Variants in ULK4 observed in about 807,000 individuals in gnomAD.
The protein encoded by ULK4 is inactive serine/threonine-protein kinase ULK4.
A neutral mutation model predicts 160.6 loss-of-function variants in ULK4; 133 were observed. The ratio of observed to expected loss-of-function variants is 0.83; its 90% CI spans 0.72 to 0.96. The LOEUF (loss-of-function observed/expected upper bound fraction) is 0.96. ULK4 is among the 40% of genes least tolerant of loss of function. The pLI is 0.00. For missense variants in ULK4, 1,580 were observed against 1,499.5 expected (o/e 1.05, Z -0.89); for synonymous variants, 534 against 539.8 (o/e 0.99, Z 0.15).
At chr3:41,899,159 G>A (rs1461337223) in intron 13 of ULK4, 5 of 149,768 alleles carry the variant, frequency 3.3e-5, no homozygotes, top group African/African-American at 1.2e-4. Flanking sequence ...GAATTGGAAA[G>A]TGCACAATTA....
In ULK4 at chr3:41,663,717, T is replaced by C; in HGVS notation, c.2979-18A>G. ...GCTCATACCTGAAATGGTAAAGACA[T>C]TTAAAAAATACTCAGTAGGAAAAAT... On this transcript the variant is annotated intron_variant, in intron 29 of 36. Transcript: ENST00000301831. The C allele has an allele frequency of 1.2e-6, 2 of 1,604,360 alleles. No homozygotes were observed. Among genetic ancestry groups the C allele is most frequent in the Non-Finnish European group, 1.7e-6 (2 of 1,171,558 alleles).
intron 17 of ULK4, among the ~76,000 whole-genome samples, chr3:41,843,413 T>C (rs1459158755): frequency 2.6e-5 from 4 of 151,884 alleles, no homozygotes. Context: ...TCGCGGTGAG[T>C]GTTACAGTTC....
intron 32 of ULK4, among the ~76,000 whole-genome samples, chr3:41,479,707 A>G (rs535955456): frequency 2.0e-5 from 3 of 152,292 alleles, no homozygotes; most frequent in African/African-American, 7.2e-5. Context: ...GAGTAGAGAG[A>G]CGTGGCATGC....
At chr3:41,296,693 A>C (rs1440554108) in intron 35 of ULK4, among the ~76,000 whole-genome samples, 1 of 152,156 alleles carries the variant, frequency 6.6e-6, no homozygotes, top group African/African-American at 2.4e-5. Flanking sequence ...AACTCCAGGC[A>C]GAAGCGCTCT....
At chr3:41,664,683 A>T (rs1260215747) in intron 29 of ULK4, among the ~76,000 whole-genome samples, 7 of 152,200 alleles carry the variant, frequency 4.6e-5, no homozygotes, top group African/African-American at 1.7e-4. Flanking sequence ...GCACTCTGAC[A>T]GCCAAGTTCC....
chr3:41,353,335 T>G (rs1281860691), intron 35 of ULK4, among the ~76,000 whole-genome samples: 1 of 152,138 alleles, frequency 6.6e-6, no homozygotes, highest in Non-Finnish European at 1.5e-5. Context: ...TTAAAATATT[T>G]TAACATTCTG....
At chr3:41,483,180 C>T (rs1355896199) in intron 32 of ULK4, among the ~76,000 whole-genome samples, 17 of 152,164 alleles carry the variant, frequency 1.1e-4, no homozygotes, top group Admixed American at 1.1e-3. Flanking sequence ...CCTTCCCAGT[C>T]TCTGGGAATA....
intron 35 of ULK4, among the ~76,000 whole-genome samples, chr3:41,382,677 T>G (rs1056259809): frequency 7.2e-5 from 11 of 152,278 alleles, no homozygotes; most frequent in Admixed American, 5.2e-4. Flanking sequence ...GAGGTCGTAC[T>G]TTACATGATA....
intron 30 of ULK4, among the ~76,000 whole-genome samples, chr3:41,626,092 T>G (rs1418388450): frequency 6.6e-6 from 1 of 152,096 alleles, no homozygotes; most frequent in Non-Finnish European, 1.5e-5. Flanking sequence ...GGTTAAAGAG[T>G]CTCCCTTACA....
chr3:41,872,919 C>G (rs1281842732), intron 17 of ULK4, among the ~76,000 whole-genome samples: 1 of 146,406 alleles, frequency 6.8e-6, no homozygotes, highest in African/African-American at 2.5e-5. Context: ...ATTTGGGAGG[C>G]CAAGGCGGGT....
At chr3:41,544,211 T>A (rs1326536257) in intron 32 of ULK4, among the ~76,000 whole-genome samples, 2 of 152,080 alleles carry the variant, frequency 1.3e-5, no homozygotes. Flanking sequence ...TTGTTGTTTG[T>A]TCAGTGACAC....
chr3:41,908,296 G>A (rs1698652045), intron 11 of ULK4, among the ~76,000 whole-genome samples: 1 of 152,076 alleles, frequency 6.6e-6, no homozygotes, highest in African/African-American at 2.4e-5. Context: ...TTAAGTATTT[G>A]AAAAGGAAAT....
At chr3:41,507,598 A>C (rs2085434928) in intron 32 of ULK4, among the ~76,000 whole-genome samples, 1 of 142,574 alleles carries the variant, frequency 7.0e-6, no homozygotes, top group Non-Finnish European at 1.5e-5. Flanking sequence ...GAAATAATAT[A>C]TTAAAACCAC....
chr3:41,797,602 G>A (rs1343657164), intron 20 of ULK4, among the ~76,000 whole-genome samples: 2 of 152,206 alleles, frequency 1.3e-5, no homozygotes, highest in East Asian at 3.9e-4. Context: ...GCTCACGACT[G>A]TAATCCCAGC....
chr3:41,677,663 CACATGA>C lies in ULK4; in HGVS notation c.2978+3839_2978+3844del, dbSNP rs1220255128. On this transcript the variant is annotated intron_variant, in intron 29 of 36. Coordinates refer to ENST00000301831, the MANE Select transcript of ULK4 (RefSeq NM_017886.4). ...TTCATTGTTTAGCAAGTAAAGCTTG[CACATGA>C]GAAAGGATAATGATTCTTTGATATT... Among the ~76,000 whole-genome samples the C allele has an allele frequency of 3.3e-5, 5 of 152,216 alleles. No homozygotes were observed. The South Asian group carries it at 1.0e-3, about 32-fold the overall frequency.
intron 11 of ULK4, among the ~76,000 whole-genome samples, chr3:41,909,711 T>C (rs1261431683): frequency 1.3e-5 from 2 of 151,952 alleles, no homozygotes; most frequent in Non-Finnish European, 2.9e-5. Flanking sequence ...CAAGAGTCTG[T>C]CTCAAAAAAT....
intron 21 of ULK4, among the ~76,000 whole-genome samples, chr3:41,782,336 A>G (rs2039872179): frequency 1.3e-5 from 2 of 152,106 alleles, no homozygotes; most frequent in South Asian, 2.1e-4. Context: ...GTCACCTTCT[A>G]CCAGACACTC....
At chr3:41,462,346 T>C (rs1049261998) in intron 33 of ULK4, among the ~76,000 whole-genome samples, 7 of 152,176 alleles carry the variant, frequency 4.6e-5, no homozygotes, top group African/African-American at 1.2e-4. Context: ...TCTCTTGCAA[T>C]TGTATCAGGA....
chr3:41,704,194 A>G (rs1246841585), intron 27 of ULK4, among the ~76,000 whole-genome samples: 1 of 152,194 alleles, frequency 6.6e-6, no homozygotes, highest in Admixed American at 6.5e-5. Context: ...TTTGTTATCT[A>G]AAAGCAGTCA....
Sources: gnomAD v4.1 joint callset for allele counts (sites outside exome capture counted in the v4.1 genomes callset) on GRCh38, gnomAD v4.1.1 for gene constraint, MANE v1.5 for transcripts, NCBI Gene and HGNC (gene_info 2026-07-23, HGNC 2026-07-21) for gene names.